The following CFAP61 variants were observed in gnomAD, a reference collection of about 807,000 sequenced individuals.
CFAP61 encodes the protein cilia- and flagella-associated protein 61.
Under a neutral mutation model 135.6 loss-of-function variants are expected in CFAP61, and 107 were observed. The ratio of observed to expected loss-of-function variants is 0.79; its 90% confidence interval spans 0.67 to 0.93. The LOEUF (loss-of-function observed/expected upper bound fraction) is 0.93, where lower values mean the gene tolerates loss of function less well. CFAP61 is among the 40% of genes least tolerant of loss of function. The probability of loss-of-function intolerance (pLI) is 0.00; values close to 1 mark genes in which losing one functional copy is unlikely to be tolerated. For missense variants in CFAP61, 1,507 were observed against 1,556.2 expected, an observed-to-expected ratio of 0.97 and a Z score of 0.53; for synonymous variants, 575 against 578.5, an observed-to-expected ratio of 0.99 and a Z score of 0.09.
chr20:20,345,782 C>T (rs2058605230), intron 26 of CFAP61, among the ~76,000 whole-genome samples: 1 of 148,854 alleles, frequency 6.7e-6, no homozygotes, highest in South Asian at 2.1e-4. Flanking sequence ...ATTAGCCAGG[C>T]ATGATGGCAA....
intron 25 of CFAP61, among the ~76,000 whole-genome samples, chr20:20,323,599 G>T (rs1457546111): frequency 6.6e-6 from 1 of 152,194 alleles, no homozygotes; most frequent in Non-Finnish European, 1.5e-5. Context: ...GTATCCAAAA[G>T]CCAAGGGCTG....
intron 22 of CFAP61, among the ~76,000 whole-genome samples, chr20:20,286,122 A>G (rs910197501): frequency 3.3e-5 from 5 of 152,078 alleles, no homozygotes; most frequent in African/African-American, 1.2e-4. Context: ...TTAAATACTA[A>G]TAAGAATCCT....
intron 16 of CFAP61, among the ~76,000 whole-genome samples, chr20:20,197,423 T>G (rs1292567811): frequency 1.3e-5 from 2 of 152,174 alleles, no homozygotes; most frequent in African/African-American, 4.8e-5. Flanking sequence ...TTAGTGTTCC[T>G]CATAGCACTC....
At position 20,074,288 on chromosome 20, in the gene CFAP61, C is replaced by T. The variant is rs753252048; in HGVS notation, c.295-14C>T. ...TGACTCAGCCTTTAATCCGTGTTCT[C>T]TCTTCTTCTGCAGCCCCTGAATACG... On this transcript the variant is annotated splice_polypyrimidine_tract_variant and intron_variant, in intron 3 of 26. Transcript: ENST00000245957. 13 of 1,613,040 alleles carry T rather than the reference C, an allele frequency of 8.1e-6. No homozygotes were observed. Among genetic ancestry groups the T allele is most frequent in the East Asian group, 2.2e-5 (1 of 44,874 alleles).
intron 24 of CFAP61, among the ~76,000 whole-genome samples, chr20:20,290,605 T>C (rs949586118): frequency 1.3e-5 from 2 of 152,230 alleles, no homozygotes; most frequent in African/African-American, 4.8e-5. Flanking sequence ...AGGGCTGACC[T>C]GTGTAGCCAA....
At chr20:20,258,688 G>C (rs1021694788) in intron 20 of CFAP61, 4 of 152,230 alleles carry the variant, frequency 2.6e-5, no homozygotes, top group African/African-American at 9.7e-5. Context: ...TAGAGTGAAA[G>C]TCTACTCCAA....
intron 7 of CFAP61, among the ~76,000 whole-genome samples, chr20:20,093,070 A>G (rs1481070343): frequency 2.0e-5 from 3 of 152,222 alleles, no homozygotes; most frequent in Admixed American, 6.5e-5. Flanking sequence ...CCAAATGTCT[A>G]TCTACTGATG....
chr20:20,261,446 AC>A (rs1245468822), intron 20 of CFAP61, among the ~76,000 whole-genome samples: 3 of 152,124 alleles, frequency 2.0e-5, no homozygotes, highest in Non-Finnish European at 4.4e-5. Flanking sequence ...GAGGTCTTAG[AC>A]CCTGAGTGCA....
chr20:20,266,874 G>T (rs1350885992), intron 21 of CFAP61, among the ~76,000 whole-genome samples: 1 of 152,168 alleles, frequency 6.6e-6, no homozygotes, highest in Non-Finnish European at 1.5e-5. Flanking sequence ...GGTGAAAAGA[G>T]ATAAATGAGA....
At chr20:20,086,714 G>C (rs1330226026) in intron 6 of CFAP61, among the ~76,000 whole-genome samples, 1 of 152,158 alleles carries the variant, frequency 6.6e-6, no homozygotes, top group Non-Finnish European at 1.5e-5. Flanking sequence ...GGCTATTGCT[G>C]CTGGGTTACA....
chr20:20,267,890 C>T (rs114438403), intron 21 of CFAP61: 1 of 152,192 alleles, frequency 6.6e-6, no homozygotes, highest in Non-Finnish European at 1.5e-5. Context: ...GGAGGCTCCA[C>T]CCCAATGTGC....
intron 25 of CFAP61, among the ~76,000 whole-genome samples, chr20:20,325,004 G>A (rs1369282201): frequency 6.6e-6 from 1 of 151,944 alleles, no homozygotes; most frequent in Non-Finnish European, 1.5e-5. Flanking sequence ...GACATTTTTA[G>A]GGCAGTTCTA....
intron 13 of CFAP61, among the ~76,000 whole-genome samples, chr20:20,183,707 A>T (rs2055288446): frequency 6.6e-6 from 1 of 152,244 alleles, no homozygotes. Flanking sequence ...ATCAATATTT[A>T]AAAAGCACGA....
intron 2 of CFAP61, among the ~76,000 whole-genome samples, chr20:20,059,156 C>T (rs1431505808): frequency 6.6e-6 from 1 of 151,548 alleles, no homozygotes; most frequent in Non-Finnish European, 1.5e-5. Flanking sequence ...GGTGAAACCC[C>T]ATCTCTACTA....
At chr20:20,349,140 T>A (rs555890626) in intron 26 of CFAP61, among the ~76,000 whole-genome samples, 2 of 152,376 alleles carry the variant, frequency 1.3e-5, no homozygotes, top group African/African-American at 4.8e-5. Context: ...AGTTGCAGAA[T>A]ATGAAACCAA....
intron 17 of CFAP61, among the ~76,000 whole-genome samples, chr20:20,227,559 G>A (rs2048830232): frequency 6.6e-6 from 1 of 152,190 alleles, no homozygotes; most frequent in African/African-American, 2.4e-5. Context: ...GGAAGTAAAT[G>A]AAATCAATGA....
chr20:20,085,480 T>G, intron 6 of CFAP61: 2 of 1,366,584 alleles, frequency 1.5e-6, no homozygotes, highest in Non-Finnish European at 2.0e-6. Flanking sequence ...AGAGAGCCTC[T>G]TCAGAACTCC....
At chr20:20,167,574 T>C (rs1400574197) in intron 12 of CFAP61, among the ~76,000 whole-genome samples, 1 of 152,228 alleles carries the variant, frequency 6.6e-6, no homozygotes, top group East Asian at 1.9e-4. Context: ...AAAAATAACC[T>C]TGGTTGCTTC....
chr20:20,072,145 C>G (rs1055532231), intron 3 of CFAP61, among the ~76,000 whole-genome samples: 1 of 112,284 alleles, frequency 8.9e-6, no homozygotes, highest in African/African-American at 3.4e-5. Context: ...GATGGAGTCT[C>G]ACTCTGTCGT....
Sources: gnomAD v4.1 joint callset for allele counts (sites outside exome capture counted in the v4.1 genomes callset) on GRCh38, gnomAD v4.1.1 for gene constraint, MANE v1.5 for transcripts, NCBI Gene and HGNC (gene_info 2026-07-23, HGNC 2026-07-21) for gene names.